PRICKLE2: variants seen among roughly 807,000 people sequenced by gnomAD.
PRICKLE2 encodes prickle-like protein 2.
In PRICKLE2, 21 loss-of-function variants were observed where a neutral mutation model predicts 81.4. The observed-to-expected ratio is 0.26, with a 90% CI of 0.18 to 0.37. PRICKLE2 has a LOEUF of 0.37. Among genes scored for constraint, PRICKLE2 ranks in the 10% least tolerant of loss-of-function variants. The pLI, the probability that PRICKLE2 is intolerant of heterozygous loss-of-function variation, is 1.00. For synonymous variants in PRICKLE2, 456 were observed against 421.5 expected, an observed-to-expected ratio of 1.08 and a Z score of -1.00; for missense variants, 940 against 1,109.0, an observed-to-expected ratio of 0.85 and a Z score of 2.16.
At chr3:64,191,078 T>C (rs918395130) in intron 2 of PRICKLE2, among the ~76,000 whole-genome samples, 9 of 152,116 alleles carry the variant, frequency 5.9e-5, no homozygotes, top group African/African-American at 2.2e-4. Context: ...TGTATCTTTA[T>C]AACAATCCCA....
chr3:64,174,921 G>C lies in PRICKLE2; in HGVS notation c.145-11792C>G, dbSNP rs184649807. The C allele has an allele frequency of 1.3e-3, 274 of 207,144 alleles. 3 individuals are homozygous for C. The highest frequency in any genetic ancestry group is 9.1e-4 in the Non-Finnish European group (87 of 95,922). 12.8% of individuals were successfully genotyped at this position (207,144 alleles called of 1,614,324 possible). On this transcript the variant is annotated intron_variant, in intron 2 of 7. Transcript: ENST00000638394. Reference sequence around the variant, plus strand: ...GTGTGCTGTTAGAAGGTCCTGGTTTGCACTAAGAGGAGTCTTCATAATTGA... The same window carrying C: ...GTGTGCTGTTAGAAGGTCCTGGTTTCCACTAAGAGGAGTCTTCATAATTGA...
intron 2 of PRICKLE2, among the ~76,000 whole-genome samples, chr3:64,252,450 C>G (rs1386533703): frequency 1.3e-5 from 2 of 152,188 alleles, no homozygotes; most frequent in Non-Finnish European, 2.9e-5. Context: ...ATTGGAAGCT[C>G]TCAGCCGATG....
chr3:64,116,425 A>C (rs755586171), intron 7 of PRICKLE2, among the ~76,000 whole-genome samples: 2 of 152,160 alleles, frequency 1.3e-5, no homozygotes, highest in Non-Finnish European at 2.9e-5. Flanking sequence ...TTTTCTTGAA[A>C]AAAATAATAA....
intron 5 of PRICKLE2, among the ~76,000 whole-genome samples, chr3:64,155,431 T>C (rs1256410343): frequency 1.3e-5 from 2 of 151,778 alleles, no homozygotes; most frequent in Non-Finnish European, 2.9e-5. Context: ...CCTCATTCAT[T>C]GATAGCAGGA....
intron 3 of PRICKLE2, among the ~76,000 whole-genome samples, chr3:64,160,572 G>C (rs550895901): frequency 6.2e-4 from 94 of 152,278 alleles, no homozygotes; most frequent in African/African-American, 1.9e-3. Flanking sequence ...TCTCATTTTG[G>C]AAAAACAGGG....
intron 2 of PRICKLE2, among the ~76,000 whole-genome samples, chr3:64,248,760 A>C (rs2079397772): frequency 6.6e-6 from 1 of 152,182 alleles, no homozygotes; most frequent in Non-Finnish European, 1.5e-5. Flanking sequence ...TGGAAACCAA[A>C]TCAAATAATA....
intron 1 of PRICKLE2, among the ~76,000 whole-genome samples, chr3:64,217,888 A>T (rs191894116): frequency 9.1e-4 from 138 of 152,318 alleles, no homozygotes; most frequent in Admixed American, 1.8e-3. Context: ...TAGTGAGGTG[A>T]CAAATATCAA....
In PRICKLE2 at chr3:64,204,581, A is replaced by G. The variant is rs548402747; in HGVS notation, c.-40-5614T>C. On this transcript the variant is annotated intron_variant, in intron 1 of 7. Coordinates refer to ENST00000638394, the MANE Select transcript of PRICKLE2 (RefSeq NM_198859.4). The stretch of plus-strand genomic sequence containing the variant: ...ACTTCTGAACAACAACAACAACAAC[A>G]ACAAAAAACCTCACACACACGCAAA... Among the ~76,000 whole-genome samples the G allele has an allele frequency of 7.9e-5, 12 of 152,078 alleles. 1 individual carries two copies. Among genetic ancestry groups the G allele is most frequent in the African/African-American group, 2.7e-4 (11 of 41,500 alleles).
At chr3:64,238,190 A>C (rs2079210157) in intron 2 of PRICKLE2, among the ~76,000 whole-genome samples, 1 of 152,214 alleles carries the variant, frequency 6.6e-6, no homozygotes, top group African/African-American at 2.4e-5. Flanking sequence ...TCCTTTTAGA[A>C]AACTTGGTAG....
chr3:64,252,516 C>A (rs993526848), intron 2 of PRICKLE2, among the ~76,000 whole-genome samples: 1 of 152,174 alleles, frequency 6.6e-6, no homozygotes, highest in Admixed American at 6.5e-5. Context: ...TTCTTTACCT[C>A]TAAAAAGTGG....
chr3:64,166,272 A>C (rs1165063292), intron 2 of PRICKLE2, among the ~76,000 whole-genome samples: 1 of 152,052 alleles, frequency 6.6e-6, no homozygotes, highest in East Asian at 1.9e-4. Flanking sequence ...TCAATTCCAA[A>C]TTCCCCAGAG....
intron 7 of PRICKLE2, among the ~76,000 whole-genome samples, chr3:64,143,128 T>C (rs2077389647): frequency 6.6e-6 from 1 of 152,238 alleles, no homozygotes; most frequent in Non-Finnish European, 1.5e-5. Flanking sequence ...CAGGGTCACC[T>C]CTAGCCACAG....
intron 6 of PRICKLE2, among the ~76,000 whole-genome samples, chr3:64,149,726 C>T (rs1051769763): frequency 7.2e-5 from 11 of 152,124 alleles, no homozygotes; most frequent in African/African-American, 2.4e-4. Flanking sequence ...AAAAGGCCAC[C>T]GGCCCAAGCA....
intron 1 of PRICKLE2, chr3:64,199,720 A>T (rs2078535207): frequency 6.6e-6 from 1 of 152,218 alleles, no homozygotes; most frequent in African/African-American, 2.4e-5. Context: ...TAAGGTTACC[A>T]TCTGTTCTCT....
At position 64,181,884 on chromosome 3, in the gene PRICKLE2, C is replaced by T. The variant is rs374193241; in HGVS notation, c.144+16900G>A. On this transcript the variant is annotated intron_variant, in intron 2 of 7. Transcript: ENST00000638394. Reference sequence around the variant, plus strand: ...ATATTGAGATGCAGGCTACTCAAGGCGGGAAGAAAAATCTTTCATGGGTAA... The same window carrying T: ...ATATTGAGATGCAGGCTACTCAAGGTGGGAAGAAAAATCTTTCATGGGTAA... Among the ~76,000 whole-genome samples the T allele has an allele frequency of 1.1e-3, 171 of 152,072 alleles. 2 individuals carry two copies. The highest frequency in any genetic ancestry group is 5.8e-3 in the East Asian group (30 of 5,168).
At chr3:64,253,583 A>G (rs1205835110) in intron 2 of PRICKLE2, among the ~76,000 whole-genome samples, 2 of 152,170 alleles carry the variant, frequency 1.3e-5, no homozygotes, top group Admixed American at 6.6e-5. Context: ...TGGTTCTTTG[A>G]CCGGCTCAAG....
chr3:64,267,571 G>C (rs1336196363), intron 2 of PRICKLE2, among the ~76,000 whole-genome samples: 1 of 152,068 alleles, frequency 6.6e-6, no homozygotes, highest in Admixed American at 6.6e-5. Context: ...GAGAATAAAG[G>C]CTATTTAAAA....
chr3:64,189,780 T>C (rs889131710), intron 2 of PRICKLE2, among the ~76,000 whole-genome samples: 18 of 152,212 alleles, frequency 1.2e-4, no homozygotes, highest in African/African-American at 3.4e-4. Context: ...GAAGGTAGTA[T>C]GGACATAAAT....
At chr3:64,197,160 T>C (rs933027538) in intron 2 of PRICKLE2, among the ~76,000 whole-genome samples, 5 of 152,200 alleles carry the variant, frequency 3.3e-5, no homozygotes, top group African/African-American at 1.2e-4. Flanking sequence ...CGGTCTGTCA[T>C]TGATGGGCAT....
Sources: gnomAD v4.1 joint callset for allele counts (sites outside exome capture counted in the v4.1 genomes callset) on GRCh38, gnomAD v4.1.1 for gene constraint, MANE v1.5 for transcripts, NCBI Gene and HGNC (gene_info 2026-07-23, HGNC 2026-07-21) for gene names.